FAM81A: variants seen among roughly 807,000 people sequenced by gnomAD.
FAM81A encodes family with sequence similarity 81 member A.
In FAM81A, 19 loss-of-function variants were observed where a neutral mutation model predicts 46.7. The observed-to-expected ratio is 0.41, with a 90% confidence interval of 0.28 to 0.60. FAM81A has a LOEUF of 0.60. FAM81A is among the 20% of genes least tolerant of loss of function. The pLI is 0.34. For synonymous variants in FAM81A, 183 were observed against 152.9 expected (o/e 1.20, Z -1.45); for missense variants, 377 against 453.5 (o/e 0.83, Z 1.53).
intron 2 of FAM81A, among the ~76,000 whole-genome samples, chr15:59,419,492 C>T (rs10519005): frequency 0.37 from 56,646 of 152,066 alleles, 12,269 homozygotes; most frequent in Admixed American, 0.51. Context: ...TGACCTTCTA[C>T]AGTACTTGAA....
At chr15:59,431,551 A>C (rs867347320) in intron 2 of FAM81A, among the ~76,000 whole-genome samples, 12 of 121,958 alleles carry the variant, frequency 9.8e-5, no homozygotes, top group South Asian at 2.8e-4. Flanking sequence ...TTTTTTTTTG[A>C]GACAGAGTCT....
intron 2 of FAM81A, among the ~76,000 whole-genome samples, chr15:59,405,431 A>G (rs1456871152): frequency 6.6e-6 from 1 of 152,014 alleles, no homozygotes; most frequent in Non-Finnish European, 1.5e-5. Flanking sequence ...TCTTAAGGTC[A>G]GGAGTTCGAG....
At chr15:59,455,788 T>C (rs1385440553) in intron 1 of FAM81A, among the ~76,000 whole-genome samples, 1 of 152,202 alleles carries the variant, frequency 6.6e-6, no homozygotes, top group Non-Finnish European at 1.5e-5. Flanking sequence ...GAAATGGCCT[T>C]CAGAGAAGGG....
chr15:59,513,684 T>TA (rs1411309493), intron 6 of FAM81A, among the ~76,000 whole-genome samples: 1 of 152,098 alleles, frequency 6.6e-6, no homozygotes, highest in African/African-American at 2.4e-5. Context: ...AAAAAATTGT[T>TA]AGAACCAGAA....
chr15:59,449,512 T>G (rs2081389766), intron 1 of FAM81A, among the ~76,000 whole-genome samples: 1 of 152,188 alleles, frequency 6.6e-6, no homozygotes, highest in Admixed American at 6.5e-5. Context: ...CCGGGCACGG[T>G]GGCTCACGCC....
At chr15:59,488,016 C>T (rs757445235) in intron 3 of FAM81A, among the ~76,000 whole-genome samples, 1 of 151,872 alleles carries the variant, frequency 6.6e-6, no homozygotes, top group Admixed American at 6.6e-5. Context: ...ATGCAAAAAC[C>T]CTCAACAAAA....
chr15:59,474,697 T>C (rs1377881520), intron 3 of FAM81A, among the ~76,000 whole-genome samples: 1 of 152,202 alleles, frequency 6.6e-6, no homozygotes, highest in Non-Finnish European at 1.5e-5. Context: ...GTTGTAGATA[T>C]GCTGGTAGCA....
chr15:59,464,773 A>C (rs186756730), intron 3 of FAM81A, among the ~76,000 whole-genome samples: 2 of 152,032 alleles, frequency 1.3e-5, no homozygotes, highest in African/African-American at 2.4e-5. Flanking sequence ...TTGTCTTTTC[A>C]CTTTGTGGAT....
At chr15:59,402,467 A>G (rs1292194408) in intron 2 of FAM81A, 3 of 152,218 alleles carry the variant, frequency 2.0e-5, no homozygotes, top group Admixed American at 6.5e-5. Flanking sequence ...GTTACAGACT[A>G]GTGGCTCACA....
intron 3 of FAM81A, among the ~76,000 whole-genome samples, chr15:59,486,050 G>A (rs1211052131): frequency 6.6e-6 from 1 of 152,036 alleles, no homozygotes; most frequent in Non-Finnish European, 1.5e-5. Context: ...GTGGTGGTGG[G>A]TGCCTGTAAT....
chr15:59,470,179 T>C (rs531518220), intron 3 of FAM81A, among the ~76,000 whole-genome samples: 9 of 152,316 alleles, frequency 5.9e-5, no homozygotes, highest in Admixed American at 2.6e-4. Flanking sequence ...CTGACAATTA[T>C]GTGTCTTGGG....
chr15:59,521,169 A>G, intron 8 of FAM81A, 85 bp from the exon 9 acceptor site: 1 of 1,434,584 alleles, frequency 7.0e-7, no homozygotes, highest in Non-Finnish European at 9.3e-7. Context: ...TTTTTGCCTG[A>G]ATCAACCATT....
At chr15:59,430,701 A>G (rs4627272) in intron 2 of FAM81A, among the ~76,000 whole-genome samples, 32,262 of 152,166 alleles carry the variant, frequency 0.21, 4,524 homozygotes, top group East Asian at 0.43. Flanking sequence ...TGGAATTTGT[A>G]TTAGGTACAC....
chr15:59,472,942 T>C (rs1396275188), intron 3 of FAM81A, among the ~76,000 whole-genome samples: 1 of 152,188 alleles, frequency 6.6e-6, no homozygotes, highest in Non-Finnish European at 1.5e-5. Context: ...GCTGAGTCAG[T>C]TTTATCCCAG....
intron 1 of FAM81A, chr15:59,401,742 G>A (rs1421879191): frequency 1.3e-6 from 1 of 768,016 alleles, no homozygotes; most frequent in Non-Finnish European, 2.4e-6. Context: ...AGATAGGCAG[G>A]TACTGCTCCC....
intron 4 of FAM81A, among the ~76,000 whole-genome samples, chr15:59,496,470 C>T (rs1009668708): frequency 1.6e-4 from 25 of 152,042 alleles, no homozygotes; most frequent in South Asian, 2.1e-4. Flanking sequence ...CCAGGTGTGG[C>T]GGCCTGCGCC....
At chr15:59,463,424 T>A (rs1277266752) in intron 3 of FAM81A, among the ~76,000 whole-genome samples, 2 of 152,240 alleles carry the variant, frequency 1.3e-5, no homozygotes, top group African/African-American at 4.8e-5. Context: ...TTGCAACTAA[T>A]GTAAGTTCTT....
chr15:59,403,261 A>G (rs1156603117), intron 2 of FAM81A, among the ~76,000 whole-genome samples: 1 of 151,816 alleles, frequency 6.6e-6, no homozygotes, highest in Non-Finnish European at 1.5e-5. Context: ...CCTAACCCCC[A>G]ATATGACTGT....
At chr15:59,417,503 C>T (rs900206604) in intron 2 of FAM81A, among the ~76,000 whole-genome samples, 4 of 151,010 alleles carry the variant, frequency 2.6e-5, no homozygotes, top group African/African-American at 7.3e-5. Context: ...GTCAGGAGTT[C>T]GAGACCAGCC....
Sources: allele counts gnomAD v4.1 joint callset (sites outside exome capture counted in the v4.1 genomes callset), GRCh38; gene constraint gnomAD v4.1.1; transcripts MANE v1.5; gene names NCBI Gene and HGNC (gene_info 2026-07-23, HGNC 2026-07-21).